The following SLC25A12 variants were observed in gnomAD, a reference collection of about 807,000 sequenced individuals.
SLC25A12 encodes electrogenic aspartate/glutamate antiporter SLC25A12, mitochondrial.
SLC25A12 carries 32 observed loss-of-function variants against 83.3 expected under a neutral mutation model. That is an observed-to-expected ratio of 0.38 (90% CI 0.29 to 0.52). The LOEUF (loss-of-function observed/expected upper bound fraction) is 0.52. Among genes scored for constraint, SLC25A12 ranks in the 20% least tolerant of loss-of-function variants. The pLI is 0.84. For missense variants in SLC25A12, 611 were observed against 835.6 expected, an observed-to-expected ratio of 0.73 and a Z score of 3.31; for synonymous variants, 267 against 291.1, an observed-to-expected ratio of 0.92 and a Z score of 0.84.
At chr2:171,830,924 A>C (rs1574705193) in intron 8 of SLC25A12, among the ~76,000 whole-genome samples, 1 of 152,230 alleles carries the variant, frequency 6.6e-6, no homozygotes, top group Non-Finnish European at 1.5e-5. Context: ...TGAGAGGAAA[A>C]CTGTTAAATT....
intron 2 of SLC25A12, among the ~76,000 whole-genome samples, chr2:171,891,915 T>C (rs928605684): frequency 2.0e-5 from 3 of 152,228 alleles, no homozygotes; most frequent in African/African-American, 7.2e-5. Context: ...ACTACACATA[T>C]GTATGCTCAA....
intron 9 of SLC25A12, among the ~76,000 whole-genome samples, chr2:171,817,342 C>G (rs1353393323): frequency 6.6e-6 from 1 of 152,054 alleles, no homozygotes; most frequent in Non-Finnish European, 1.5e-5. Context: ...TGGCTCATAC[C>G]TGTAATCTGA....
rs149278617 is a variant in SLC25A12, at chr2:171,793,735, T to G, written c.1338A>C (p.Pro446=). 1.4e-3 allele frequency: 2,320 copies of G among 1,614,048 alleles called. 20 individuals are homozygous for G. The African/African-American group carries it at 0.019, about 13-fold the overall frequency. The part of the protein sequence containing the change: ...AGGSQVIFTN[P]LEIVKIRLQV... ...GCAGACGAATCTTCACTATCTCCAA[T>G]GGGTTGGTAAAAATGACCTGAGAGC... is the stretch of plus-strand genomic sequence containing the variant. The change falls in exon 14 of 18, where the codon CCA becomes CCC. Residue 446 remains proline (P), a synonymous_variant. Coordinates refer to ENST00000422440, the MANE Select transcript of SLC25A12 (RefSeq NM_003705.5).
intron 6 of SLC25A12, among the ~76,000 whole-genome samples, chr2:171,836,377 C>T (rs1171296433): frequency 2.0e-5 from 3 of 152,080 alleles, no homozygotes; most frequent in African/African-American, 4.8e-5. Context: ...GACAAGAAAA[C>T]GGGTAAGTGA....
intron 13 of SLC25A12, among the ~76,000 whole-genome samples, chr2:171,805,465 G>A (rs1455282293): frequency 6.6e-6 from 1 of 152,202 alleles, no homozygotes; most frequent in African/African-American, 2.4e-5. Context: ...CAATGAGTAA[G>A]TGAATATATG....
chr2:171,791,345 G>T (rs1466552469), intron 15 of SLC25A12, 106 bp downstream of exon 15: 7 of 981,440 alleles, frequency 7.1e-6, no homozygotes, highest in Non-Finnish European at 1.1e-5. Flanking sequence ...ACTAAGTCAG[G>T]TACAAACAAT....
chr2:171,785,512 A>G (rs373204696), intron 17 of SLC25A12, 37 bp from the exon 18 acceptor site: 130 of 1,588,612 alleles, frequency 8.2e-5, no homozygotes, highest in Non-Finnish European at 1.1e-4. Flanking sequence ...TAGCATGCTC[A>G]AGGTGGATGA....
intron 4 of SLC25A12, among the ~76,000 whole-genome samples, chr2:171,850,139 G>A (rs1361723313): frequency 6.6e-6 from 1 of 150,942 alleles, no homozygotes; most frequent in Admixed American, 6.6e-5. Flanking sequence ...GTGGGGGTAT[G>A]GAGTCTTACT....
Position 171,787,645 on chromosome 2 carries a change from G to A in SLC25A12, c.1761C>T (p.Ser587=), listed in dbSNP as rs1429649289. ...WKGTAARVFR[S]SPQFGVTLVT... is the part of the protein sequence containing the mutation. ...CCAAGGTAACACCAAACTGGGGAGA[G>A]GATCGAAACACTCGAGCTGAAAAAG... Residue 587 remains serine (S), a synonymous_variant, in exon 17 of 18, where the codon TCC becomes TCT. Transcript: ENST00000422440. 1.2e-6 allele frequency: 2 copies of A among 1,614,078 alleles called. No individual in the cohort carries two copies. Among genetic ancestry groups the A allele is most frequent in the Non-Finnish European group, 1.7e-6 (2 of 1,179,964 alleles).
At chr2:171,859,350 T>C (rs772945294) in intron 3 of SLC25A12, among the ~76,000 whole-genome samples, 13 of 152,198 alleles carry the variant, frequency 8.5e-5, no homozygotes, top group Non-Finnish European at 1.5e-4. Context: ...CACATGCCTG[T>C]AGTCCTAGCT....
chr2:171,868,439 G>A (rs1044115040), intron 3 of SLC25A12, among the ~76,000 whole-genome samples: 2 of 150,152 alleles, frequency 1.3e-5, no homozygotes, highest in Non-Finnish European at 3.0e-5. Context: ...TCAGCCTCCC[G>A]AGTAGCTGGG....
chr2:171,891,847 TC>T (rs780316207), intron 2 of SLC25A12, among the ~76,000 whole-genome samples: 2 of 152,236 alleles, frequency 1.3e-5, no homozygotes, highest in African/African-American at 2.4e-5. Flanking sequence ...AAAAAATACT[TC>T]CCTTATCAGA....
chr2:171,885,145 G>A (rs527763210), intron 2 of SLC25A12, among the ~76,000 whole-genome samples: 5 of 150,136 alleles, frequency 3.3e-5, no homozygotes, highest in East Asian at 2.0e-4. Flanking sequence ...CCTGGGAGGC[G>A]GAGCTTGCAG....
intron 9 of SLC25A12, among the ~76,000 whole-genome samples, chr2:171,825,040 C>G (rs1263633636): frequency 6.6e-6 from 1 of 152,080 alleles, no homozygotes; most frequent in African/African-American, 2.4e-5. Context: ...AACTTCTGGG[C>G]TCAAGCAATC....
intron 3 of SLC25A12, among the ~76,000 whole-genome samples, chr2:171,862,787 C>A (rs1464836767): frequency 2.6e-5 from 4 of 152,090 alleles, no homozygotes; most frequent in African/African-American, 9.7e-5. Context: ...TATGATAGAA[C>A]CAAGGAACAC....
chr2:171,811,835 T>C (rs1683951079), intron 11 of SLC25A12, among the ~76,000 whole-genome samples: 1 of 152,162 alleles, frequency 6.6e-6, no homozygotes, highest in Admixed American at 6.5e-5. Flanking sequence ...AATATCTAGG[T>C]TCCTTTTAAT....
rs1690451493 is a variant in SLC25A12, at chr2:171,784,502, A to T, written c.*772T>A. 6.6e-6 allele frequency: 1 copy of T among 152,306 alleles called. No homozygotes were observed. Among genetic ancestry groups the T allele is most frequent in the African/African-American group, 2.4e-5 (1 of 41,480 alleles). The allele number at this position is 152,306 out of a possible 1,614,324, so 9.4% of individuals were successfully genotyped here. On this transcript the variant is annotated 3_prime_UTR_variant, in exon 18 of 18. Coordinates refer to ENST00000422440, the MANE Select transcript of SLC25A12 (RefSeq NM_003705.5). ...CAAAGGAAAGCAAAACTAAGCCAGT[A>T]ATGATGGAGATGTCCCTGTTTCCAT...
chr2:171,859,815 G>T (rs927949156), intron 3 of SLC25A12, among the ~76,000 whole-genome samples: 2 of 152,000 alleles, frequency 1.3e-5, no homozygotes, highest in African/African-American at 4.8e-5. Flanking sequence ...CAGCTGGAGT[G>T]CAATGGCATG....
At chr2:171,857,461 G>C (rs139132833) in intron 3 of SLC25A12, among the ~76,000 whole-genome samples, 7,488 of 152,300 alleles carry the variant, frequency 0.049, 396 homozygotes, top group Admixed American at 0.17. Flanking sequence ...GAGGCAGGCA[G>C]ATCACTTGAG....
Sources: allele counts gnomAD v4.1 joint callset (sites outside exome capture counted in the v4.1 genomes callset), GRCh38; gene constraint gnomAD v4.1.1; transcripts MANE v1.5; gene names NCBI Gene and HGNC (gene_info 2026-07-23, HGNC 2026-07-21).